The following SYNRG variants were observed in gnomAD, a reference collection of about 807,000 sequenced individuals.
The protein encoded by SYNRG is AP1 gamma subunit binding protein 1.
In SYNRG, 37 loss-of-function variants were observed where a neutral mutation model predicts 130.9. That is an observed-to-expected ratio of 0.28 (90% CI 0.22 to 0.37). The LOEUF is 0.37. Among genes scored for constraint, SYNRG ranks in the 10% least tolerant of loss-of-function variants. SYNRG has a pLI of 1.00. For synonymous variants in SYNRG, 539 were observed against 568.1 expected (o/e 0.95, Z 0.73); for missense variants, 1,338 against 1,588.9 (o/e 0.84, Z 2.68).
intron 11 of SYNRG, among the ~76,000 whole-genome samples, chr17:37,565,291 G>A (rs1419776130): frequency 1.3e-5 from 2 of 151,994 alleles, no homozygotes; most frequent in African/African-American, 2.4e-5. Context: ...TTCATTCAAG[G>A]AAAGTATGGA....
chr17:37,550,651 C>T (rs184891822), intron 14 of SYNRG, among the ~76,000 whole-genome samples: 1 of 150,008 alleles, frequency 6.7e-6, no homozygotes, highest in South Asian at 2.1e-4. Context: ...AAGGCACATT[C>T]ACACAGAAAA....
Position 37,577,558 on chromosome 17 carries a change from C to T in SYNRG, c.645G>A (p.Gln215=). Reference sequence around the variant, plus strand: ...CAGAAGTATTTAATTTAATTTGTTCCTGCCCAGATGTACTTATATCACAAG... The same window carrying T: ...CAGAAGTATTTAATTTAATTTGTTCTTGCCCAGATGTACTTATATCACAAG... ...LVSCDISTSG[Q]EQIKLNTSEV... Residue 215 remains glutamine, a synonymous_variant, in exon 7 of 22, where the codon CAG becomes CAA. Coordinates refer to ENST00000612223, the MANE Select transcript of SYNRG (RefSeq NM_007247.6). 1 of 1,614,142 alleles carries T rather than the reference C, an allele frequency of 6.2e-7. No homozygotes were observed. Among genetic ancestry groups the T allele is most frequent in the South Asian group, 1.1e-5 (1 of 91,076 alleles).
intron 3 of SYNRG, among the ~76,000 whole-genome samples, chr17:37,589,764 A>C (rs1398048669): frequency 6.6e-6 from 1 of 151,792 alleles, no homozygotes; most frequent in Non-Finnish European, 1.5e-5. Context: ...AAAAAAAAAA[A>C]GGCTATTTAT....
chr17:37,576,841 T>C (rs986799510), intron 7 of SYNRG, among the ~76,000 whole-genome samples: 1 of 152,174 alleles, frequency 6.6e-6, no homozygotes, highest in Non-Finnish European at 1.5e-5. Flanking sequence ...CATATGATAC[T>C]GCTGTCTTAA....
intron 14 of SYNRG, 21 bp downstream of exon 14, chr17:37,553,094 G>A: frequency 6.2e-7 from 1 of 1,601,194 alleles, no homozygotes; most frequent in Non-Finnish European, 8.5e-7. Context: ...CATCACCAGA[G>A]CAATCTCACC....
intron 1 of SYNRG, among the ~76,000 whole-genome samples, chr17:37,607,765 G>T (rs566451433): frequency 2.0e-5 from 3 of 151,892 alleles, no homozygotes; most frequent in African/African-American, 7.3e-5. Flanking sequence ...CTCTAGCCTG[G>T]GTGACAGAAC....
Position 37,568,805 on chromosome 17 carries a change from G to A in SYNRG, c.1467C>T (p.Ser489=), listed in dbSNP as rs2060193184. The part of the protein sequence containing the change: ...ELPASSKTSN[S]QHGNSAPSLL... The stretch of plus-strand genomic sequence containing the variant: ...CTCTTTTCTACCTGTTTCCATGCTG[G>A]GAGTTACTTGTTTTTGAAGAAGCAG... The change falls in exon 11 of 22, where the codon TCC becomes TCT. Residue 489 remains serine, a synonymous_variant. Transcript: ENST00000612223. The A allele has an allele frequency of 2.5e-6, 4 of 1,613,612 alleles. No homozygotes were observed. The highest frequency in any genetic ancestry group is 2.7e-5 in the African/African-American group (2 of 74,902).
chr17:37,584,758 G>T lies in SYNRG; in HGVS notation c.479C>A (p.Thr160Lys). The T allele has an allele frequency of 6.2e-7, 1 of 1,606,180 alleles. No homozygotes were observed. The highest frequency in any genetic ancestry group is 1.1e-5 in the South Asian group (1 of 90,574). Residue 160 changes from threonine to lysine, a missense_variant and splice_region_variant, in exon 6 of 22, where the codon ACA becomes AAA. Coordinates refer to ENST00000612223, the MANE Select transcript of SYNRG (RefSeq NM_007247.6). ...AGCATCATCTCTACTCTTCTCTCCT[G>T]TCTAAGAGACAACAAATATATGCGT... ...LRLLSSVKPK[T>K]GEKSRDDALE...
At chr17:37,571,009 C>G (rs764776080) in intron 9 of SYNRG, 124 bp from the exon 10 acceptor site, 10 of 1,286,184 alleles carry the variant, frequency 7.8e-6, no homozygotes, top group Non-Finnish European at 1.1e-5. Flanking sequence ...TCTCAAAACT[C>G]ATGAATTTGA....
chr17:37,598,867 A>G (rs2063013229), intron 2 of SYNRG, among the ~76,000 whole-genome samples: 1 of 152,352 alleles, frequency 6.6e-6, no homozygotes, highest in Admixed American at 6.5e-5. Context: ...TGGACACATA[A>G]CTCTGTAATA....
rs149813901 is a variant in SYNRG, at chr17:37,607,424, T to C, written c.77+1855A>G. ...TACATTTTCCCAGAACTTGGTGCCATGATTAATCATATACTTGATCAAATT... is the reference window on the plus strand; with the variant it reads ...TACATTTTCCCAGAACTTGGTGCCACGATTAATCATATACTTGATCAAATT... On this transcript the variant is annotated intron_variant, in intron 1 of 21. Transcript: ENST00000612223. 3.1e-4 allele frequency among the ~76,000 whole-genome samples: 47 copies of C among 152,340 alleles called. No individual in the cohort carries two copies. In the East Asian group the frequency reaches 9.1e-3, roughly 29 times the overall value.
chr17:37,529,180 T>C (rs2056321522), intron 19 of SYNRG, among the ~76,000 whole-genome samples: 1 of 152,214 alleles, frequency 6.6e-6, no homozygotes, highest in Admixed American at 6.5e-5. Context: ...CTTTTCTCCA[T>C]TTACCTCATA....
chr17:37,559,780 A>G (rs1177123876), intron 13 of SYNRG, among the ~76,000 whole-genome samples: 1 of 152,184 alleles, frequency 6.6e-6, no homozygotes, highest in Non-Finnish European at 1.5e-5. Context: ...TTAGCAGTAC[A>G]TTGTTGAGCA....
Position 37,542,259 on chromosome 17 carries a change from G to T in SYNRG, c.2915C>A (p.Pro972His), listed in dbSNP as rs1568325363. 1 of 1,614,194 alleles carries T rather than the reference G, an allele frequency of 6.2e-7. No homozygotes were observed. Among genetic ancestry groups the T allele is most frequent in the Non-Finnish European group, 8.5e-7 (1 of 1,180,044 alleles). The change falls in exon 15 of 22, where the codon CCT (proline) becomes CAT (histidine). Residue 972 changes from proline to histidine, a missense_variant. This residue lies in a region of SYNRG where 1,146 missense variants were observed against 1,342.3 expected (regional missense o/e 0.85). Transcript: ENST00000612223. ...ATATTCCTTTTGCTCACTGGTCTGA[G>T]GAATCGTGTCTTTAAAACTGGCAAG... is the stretch of plus-strand genomic sequence containing the variant. ...PALASFKDTI[P>H]QTSEQKEYEN... is the part of the protein sequence containing the mutation.
intron 19 of SYNRG, among the ~76,000 whole-genome samples, chr17:37,533,549 A>C (rs915393187): frequency 6.6e-6 from 1 of 151,562 alleles, no homozygotes; most frequent in Non-Finnish European, 1.5e-5. Context: ...TTTTTAAAAA[A>C]GATTTCTAAT....
chr17:37,573,744 G>T (rs918428620), intron 8 of SYNRG, among the ~76,000 whole-genome samples: 16 of 151,424 alleles, frequency 1.1e-4, no homozygotes, highest in Non-Finnish European at 1.3e-4. Context: ...AAATTGAAGG[G>T]GACATAAAAA....
intron 6 of SYNRG, chr17:37,579,098 TA>T: frequency 8.9e-7 from 1 of 1,119,456 alleles, no homozygotes; most frequent in Non-Finnish European, 1.1e-6. Context: ...CAGGATATCT[TA>T]AGAATATTTT....
rs781602192 is a variant in SYNRG, at chr17:37,586,529, T to C, written c.261A>G (p.Pro87=). The change falls in exon 4 of 22, where the codon CCA becomes CCG. Residue 87 remains proline, a synonymous_variant. Transcript: ENST00000612223. ...IAMQAGIPMG[P]MPAAGMPYLG... The stretch of plus-strand genomic sequence containing the variant: ...GGTAAGGCATTCCCGCTGCTGGCAT[T>C]GGTCCCATTGGTATTCCTGCCTAGA... The C allele has an allele frequency of 6.2e-7, 1 of 1,614,158 alleles. No individual in the cohort carries two copies.
In SYNRG at chr17:37,542,184, T is replaced by A; in HGVS notation, c.2990A>T (p.Glu997Val). 6.2e-7 allele frequency: 1 copy of A among 1,614,228 alleles called. No individual in the cohort carries two copies. Among genetic ancestry groups the A allele is most frequent in the Non-Finnish European group, 8.5e-7 (1 of 1,180,048 alleles). Residue 997 changes from glutamate (E) to valine (V), a missense_variant, in exon 15 of 22, where the codon GAA becomes GTA. This residue lies in a region of SYNRG where 1,146 missense variants were observed against 1,342.3 expected (regional missense o/e 0.85). Coordinates refer to ENST00000612223, the MANE Select transcript of SYNRG (RefSeq NM_007247.6). Reference sequence around the variant, plus strand: ...GGGACACGTGGCCTCCTGGCTCCGTTCAGCCGTAGGCAGGTCCTGTTTTGT... The same window carrying A: ...GGGACACGTGGCCTCCTGGCTCCGTACAGCCGTAGGCAGGTCCTGTTTTGT... Reference protein sequence around the residue: ...DFTKQDLPTAERSQEATCPSP... With the variant: ...DFTKQDLPTAVRSQEATCPSP...
Sources: gnomAD v4.1 joint callset for allele counts (sites outside exome capture counted in the v4.1 genomes callset) on GRCh38, gnomAD v4.1.1 for gene constraint, gnomAD v4.1.1 regional missense constraint, MANE v1.5 for transcripts, NCBI Gene and HGNC (gene_info 2026-07-23, HGNC 2026-07-21) for gene names.